The following CDH13 variants were observed in gnomAD, a reference collection of about 807,000 sequenced individuals.
CDH13 encodes cadherin-13.
In CDH13, 24 loss-of-function variants were observed where a neutral mutation model predicts 63.8. The observed-to-expected ratio is 0.38, with a 90% CI of 0.27 to 0.53. The LOEUF is 0.53. Among genes scored for constraint, CDH13 ranks in the 20% least tolerant of loss-of-function variants. The pLI is 0.85. For synonymous variants in CDH13, 503 were observed against 355.3 expected (o/e 1.42, Z -4.67); for missense variants, 1,049 against 903.1 (o/e 1.16, Z -2.07).
intron 4 of CDH13, among the ~76,000 whole-genome samples, chr16:83,162,537 A>C (rs1292068992): frequency 2.0e-5 from 3 of 152,104 alleles, no homozygotes; most frequent in African/African-American, 7.2e-5. Flanking sequence ...CCAAGTTTTA[A>C]AGGTTGAACA....
chr16:82,897,920 C>T (rs1452801271), intron 2 of CDH13, among the ~76,000 whole-genome samples: 2 of 152,210 alleles, frequency 1.3e-5, no homozygotes. Flanking sequence ...GCATGCCAGT[C>T]CATGGACTAA....
In CDH13 at chr16:83,118,683, C is replaced by A. The variant is rs1332911747; in HGVS notation, c.367-6702C>A. Among the ~76,000 whole-genome samples, 5 of 152,166 alleles carry A rather than the reference C, an allele frequency of 3.3e-5. No individual in the cohort carries two copies. The South Asian group carries it at 1.0e-3, about 32-fold the overall frequency. ...TTCTTTAGAGAGTGCAGACCACTTTCACATGCAGCTTCTCATTTCATTCTC... is the reference window on the plus strand; with the variant it reads ...TTCTTTAGAGAGTGCAGACCACTTTAACATGCAGCTTCTCATTTCATTCTC... On this transcript the variant is annotated intron_variant, in intron 3 of 13. Transcript: ENST00000567109.
chr16:83,224,746 CCT>C (rs1392465764), intron 5 of CDH13, among the ~76,000 whole-genome samples: 1 of 152,152 alleles, frequency 6.6e-6, no homozygotes, highest in African/African-American at 2.4e-5. Context: ...TACTTCTCAG[CCT>C]CTGTTTTCTC....
At chr16:83,264,749 G>GTT (rs139277239) in intron 5 of CDH13, among the ~76,000 whole-genome samples, 1 of 146,402 alleles carries the variant, frequency 6.8e-6, no homozygotes, top group Non-Finnish European at 1.5e-5. Context: ...CCTTTGGCTG[G>GTT]TTTTTTTTTT....
intron 7 of CDH13, among the ~76,000 whole-genome samples, chr16:83,494,290 G>T (rs1004070472): frequency 6.6e-6 from 1 of 152,024 alleles, no homozygotes; most frequent in African/African-American, 2.4e-5. Flanking sequence ...TTTGGAAAAA[G>T]TTCTTTTCGA....
At chr16:83,596,087 A>G (rs186490288) in intron 7 of CDH13, among the ~76,000 whole-genome samples, 1 of 152,314 alleles carries the variant, frequency 6.6e-6, no homozygotes, top group African/African-American at 2.4e-5. Context: ...CCAAAGAAAC[A>G]CAGAATCAGG....
At chr16:83,272,084 G>C (rs1022888084) in intron 5 of CDH13, among the ~76,000 whole-genome samples, 4 of 152,092 alleles carry the variant, frequency 2.6e-5, no homozygotes, top group African/African-American at 9.7e-5. Flanking sequence ...ACCAGTGTTT[G>C]GGTGCTTCTT....
chr16:83,682,609 C>T (rs186481065), intron 10 of CDH13, among the ~76,000 whole-genome samples: 3 of 152,148 alleles, frequency 2.0e-5, no homozygotes, highest in South Asian at 2.1e-4. Flanking sequence ...TGCTGTGTCC[C>T]GAGAACACGG....
intron 2 of CDH13, among the ~76,000 whole-genome samples, chr16:83,016,777 C>CAAGG (rs984767829): frequency 3.9e-5 from 6 of 151,996 alleles, no homozygotes; most frequent in Non-Finnish European, 8.8e-5. Context: ...TAGATATCCA[C>CAAGG]AAGGAAGGAA....
At chr16:82,974,266 G>A (rs1306061971) in intron 2 of CDH13, among the ~76,000 whole-genome samples, 2 of 152,130 alleles carry the variant, frequency 1.3e-5, no homozygotes, top group Admixed American at 6.6e-5. Context: ...ATGCATTCAT[G>A]TCAGGGTGCA....
intron 6 of CDH13, among the ~76,000 whole-genome samples, chr16:83,458,438 T>C (rs2073082695): frequency 6.6e-6 from 1 of 152,198 alleles, no homozygotes; most frequent in Non-Finnish European, 1.5e-5. Context: ...CTCTTATATT[T>C]TCCTTTCCTT....
chr16:82,925,432 A>G lies in CDH13; in HGVS notation c.157+66959A>G, dbSNP rs891670884. ...ATTTGTATGCTGGGAAGGAAGAACAATGGGCTACACCAGCTTTATGTCAAT... is the reference window on the plus strand; with the variant it reads ...ATTTGTATGCTGGGAAGGAAGAACAGTGGGCTACACCAGCTTTATGTCAAT... On this transcript the variant is annotated intron_variant, in intron 2 of 13. Transcript: ENST00000567109. Among the ~76,000 whole-genome samples the G allele has an allele frequency of 2.0e-5, 3 of 152,216 alleles. No homozygotes were observed. The East Asian group carries it at 5.8e-4, about 29-fold the overall frequency.
intron 8 of CDH13, among the ~76,000 whole-genome samples, chr16:83,607,676 T>C (rs1402734619): frequency 6.6e-6 from 1 of 152,234 alleles, no homozygotes; most frequent in Non-Finnish European, 1.5e-5. Context: ...GTCATTGATG[T>C]TCATGCAAAT....
intron 10 of CDH13, among the ~76,000 whole-genome samples, chr16:83,743,317 A>G (rs1912235071): frequency 6.6e-6 from 1 of 152,206 alleles, no homozygotes. Flanking sequence ...GAGGAAAAAG[A>G]GTGAGACATT....
chr16:83,481,575 A>G (rs1057169080), intron 6 of CDH13, among the ~76,000 whole-genome samples: 14 of 152,172 alleles, frequency 9.2e-5, no homozygotes, highest in Admixed American at 3.9e-4. Context: ...CCTGGCCACA[A>G]GGAAGCGATC....
chr16:82,923,129 G>A (rs1028639408), intron 2 of CDH13, among the ~76,000 whole-genome samples: 2 of 152,160 alleles, frequency 1.3e-5, no homozygotes, highest in South Asian at 2.1e-4. Context: ...CTTGCTCAAT[G>A]CAGGGTTGCC....
chr16:83,103,057 A>G (rs145558441), intron 3 of CDH13, among the ~76,000 whole-genome samples: 16 of 142,656 alleles, frequency 1.1e-4, no homozygotes, highest in East Asian at 4.1e-4. Flanking sequence ...GGTTCAAACA[A>G]TTTTCCTGCC....
intron 1 of CDH13, among the ~76,000 whole-genome samples, chr16:82,848,160 G>A (rs2039341968): frequency 6.6e-6 from 1 of 152,212 alleles, no homozygotes; most frequent in Admixed American, 6.5e-5. Flanking sequence ...AAGGTTCTGG[G>A]AAGCTGGCAA....
At chr16:83,352,013 G>A (rs1209033191) in intron 6 of CDH13, among the ~76,000 whole-genome samples, 3 of 152,286 alleles carry the variant, frequency 2.0e-5, no homozygotes, top group East Asian at 3.9e-4. Flanking sequence ...TGTGGTGGAG[G>A]CAGAGGAATG....
Sources: allele counts gnomAD v4.1 joint callset (sites outside exome capture counted in the v4.1 genomes callset), GRCh38; gene constraint gnomAD v4.1.1; transcripts MANE v1.5; gene names NCBI Gene and HGNC (gene_info 2026-07-23, HGNC 2026-07-21).